Variants in TMBIM6 observed in about 807,000 individuals in gnomAD.
TMBIM6 encodes transmembrane BAX inhibitor motif containing 6.
Under a neutral mutation model 31.4 loss-of-function variants are expected in TMBIM6, and 13 were observed. The observed-to-expected ratio is 0.41, with a 90% CI of 0.27 to 0.66. The LOEUF (loss-of-function observed/expected upper bound fraction) is 0.66. TMBIM6 is among the 30% of genes least tolerant of loss of function. The pLI, the probability that TMBIM6 is intolerant of heterozygous loss-of-function variation, is 0.28. For missense variants in TMBIM6, 275 were observed against 289.5 expected (o/e 0.95, Z 0.36); for synonymous variants, 85 against 101.7 (o/e 0.84, Z 0.99).
rs1292621134 is a variant in TMBIM6, at chr12:49,764,727, G to GAAAAA, written c.*1840_*1844dup. ...CAAGATATTAAAAAAAAAAAAGAAA[G>GAAAAA]AAAAAAAAAAAAACACCTACTTTTA... On this transcript the variant is annotated 3_prime_UTR_variant, in exon 10 of 10. Coordinates refer to ENST00000267115, the MANE Select transcript of TMBIM6 (RefSeq NM_003217.3). 2 of 113,806 alleles carry GAAAAA rather than the reference G, an allele frequency of 1.8e-5. No individual in the cohort carries two copies. The highest frequency in any genetic ancestry group is 6.9e-5 in the African/African-American group (2 of 28,856). The allele number at this position is 113,806 out of a possible 1,614,324, so 7.0% of individuals were successfully genotyped here. A position where few individuals can be genotyped will look rare whatever the true frequency, so the allele number is the denominator to read the frequency against.
intron 3 of TMBIM6, among the ~76,000 whole-genome samples, chr12:49,753,426 A>G (rs1945532939): frequency 6.6e-6 from 1 of 152,130 alleles, no homozygotes; most frequent in South Asian, 2.1e-4. Context: ...CAAAACTCTG[A>G]TTGTGTGATT....
rs1945779452 is a variant in TMBIM6, at chr12:49,764,536, C to CT, written c.*1641dup. On this transcript the variant is annotated 3_prime_UTR_variant, in exon 10 of 10. Transcript: ENST00000267115. The stretch of plus-strand genomic sequence containing the variant: ...CTCCAGCCTCTGGCTTGAGAACTTA[C>CT]TAAAGGCACTTCCTTCCTGTTAAAC... 1 of 152,566 alleles carries CT rather than the reference C, an allele frequency of 6.6e-6. No individual in the cohort carries two copies. The highest frequency in any genetic ancestry group is 6.5e-5 in the Admixed American group (1 of 15,268). 9.5% of individuals were successfully genotyped at this position (152,566 alleles called of 1,614,324 possible). A position where few individuals can be genotyped will look rare whatever the true frequency, so the allele number is the denominator to read the frequency against.
intron 3 of TMBIM6, among the ~76,000 whole-genome samples, chr12:49,755,146 G>A (rs1394112010): frequency 1.3e-5 from 2 of 151,674 alleles, no homozygotes; most frequent in African/African-American, 4.8e-5. Context: ...TAGTAGAGAC[G>A]GGGTTTCTCC....
chr12:49,756,405 A>T (rs1945595505), intron 4 of TMBIM6, among the ~76,000 whole-genome samples: 1 of 139,866 alleles, frequency 7.1e-6, no homozygotes. Context: ...AAGTGTTAGG[A>T]TGACAGGCGT....
intron 1 of TMBIM6, chr12:49,741,888 G>A (rs1043817014): frequency 7.2e-6 from 4 of 559,436 alleles, no homozygotes; most frequent in African/African-American, 5.8e-5. Flanking sequence ...CTGCCCCAGA[G>A]CGCTGGCGAA....
intron 1 of TMBIM6, among the ~76,000 whole-genome samples, chr12:49,748,395 G>A (rs575000211): frequency 6.6e-6 from 1 of 152,264 alleles, no homozygotes; most frequent in South Asian, 2.1e-4. Flanking sequence ...CCAAGCAAAA[G>A]CAGACCACAG....
chr12:49,744,495 A>ATCTCCTT (rs1450201751), intron 1 of TMBIM6: 12 of 152,138 alleles, frequency 7.9e-5, no homozygotes, highest in Non-Finnish European at 1.6e-4. Context: ...GACCAAGGAG[A>ATCTCCTT]GAAAGGCTGT....
chr12:49,751,313 A>G (rs1945489964), intron 1 of TMBIM6, among the ~76,000 whole-genome samples: 1 of 152,194 alleles, frequency 6.6e-6, no homozygotes, highest in Admixed American at 6.6e-5. Context: ...CTTTCAGGAT[A>G]TACACACTGA....
At chr12:49,757,950 A>G (rs1453791060) in intron 4 of TMBIM6, among the ~76,000 whole-genome samples, 36 of 151,876 alleles carry the variant, frequency 2.4e-4, no homozygotes, top group Non-Finnish European at 5.9e-5. Flanking sequence ...TGGCATGCCT[A>G]CTTTATTTTC....
chr12:49,759,231 A>G lies in TMBIM6; in HGVS notation c.524A>G (p.Tyr175Cys), dbSNP rs757393612. The G allele has an allele frequency of 1.2e-6, 2 of 1,613,898 alleles. No individual in the cohort carries two copies. Among genetic ancestry groups the G allele is most frequent in the African/African-American group, 2.7e-5 (2 of 74,866 alleles). ...TCTTACATTTGTTAGGCAAACCTGTATGTGGGACTGGTGGTCATGTGTGGC... is the reference window on the plus strand; with the variant it reads ...TCTTACATTTGTTAGGCAAACCTGTGTGTGGGACTGGTGGTCATGTGTGGC... ...GSIWLFQANLYVGLVVMCGFV... is the reference protein window; with the variant it reads ...GSIWLFQANLCVGLVVMCGFV... The change falls in exon 8 of 10, where the codon TAT (tyrosine) becomes TGT (cysteine). Residue 175 changes from tyrosine (Y) to cysteine (C), a missense_variant. Tyr to Cys is a radical substitution (Grantham distance 194). Coordinates refer to ENST00000267115, the MANE Select transcript of TMBIM6 (RefSeq NM_003217.3).
intron 1 of TMBIM6, among the ~76,000 whole-genome samples, chr12:49,749,434 C>CTTTTTTTTTTTT (rs1565918072): frequency 4.1e-4 from 50 of 121,706 alleles, no homozygotes; most frequent in African/African-American, 2.3e-3. Flanking sequence ...TTTTGTAAGT[C>CTTTTTTTTTTTT]ATTTTTGTTT....
At chr12:49,758,857 G>A in intron 7 of TMBIM6, 95 bp downstream of exon 7, 3 of 1,050,800 alleles carry the variant, frequency 2.9e-6, no homozygotes, top group Non-Finnish European at 4.1e-6. Context: ...GTACTACTTT[G>A]GGCAGTGCTC....
intron 1 of TMBIM6, among the ~76,000 whole-genome samples, chr12:49,750,185 G>T (rs981561542): frequency 2.6e-5 from 4 of 152,160 alleles, no homozygotes; most frequent in Non-Finnish European, 5.9e-5. Context: ...CGTCAGAGAA[G>T]TATCTGAGAA....
rs778921416 is a variant in TMBIM6 at position 49,752,460 on chromosome 12, G to A, written c.-30-4G>A. 4 of 1,600,860 alleles carry A rather than the reference G, an allele frequency of 2.5e-6. No homozygotes were observed. Among genetic ancestry groups the A allele is most frequent in the African/African-American group, 1.4e-5 (1 of 73,518 alleles). ...AATGACTCTAACCTTTCTTTATTCTGCAGAGTGGAGACTGCTGCACGGACT... is the reference window on the plus strand; with the variant it reads ...AATGACTCTAACCTTTCTTTATTCTACAGAGTGGAGACTGCTGCACGGACT... On this transcript the variant is annotated splice_polypyrimidine_tract_variant and splice_region_variant and intron_variant, in intron 1 of 9. Transcript: ENST00000267115.
At chr12:49,745,674 G>C (rs979738216) in intron 1 of TMBIM6, among the ~76,000 whole-genome samples, 2 of 149,096 alleles carry the variant, frequency 1.3e-5, no homozygotes, top group Non-Finnish European at 2.9e-5. Flanking sequence ...GCAGTGAGCT[G>C]AGATCGTGCC....
In TMBIM6 at chr12:49,762,989, T is replaced by C; in HGVS notation, c.*93T>C. The C allele has an allele frequency of 2.2e-6, 3 of 1,359,712 alleles. No homozygotes were observed. Among genetic ancestry groups the C allele is most frequent in the Non-Finnish European group, 3.0e-6 (3 of 984,838 alleles). The allele number at this position is 1,359,712 out of a possible 1,614,324, so 84.2% of individuals were successfully genotyped here. A position where few individuals can be genotyped will look rare whatever the true frequency, so the allele number is the denominator to read the frequency against. Reference sequence around the variant, plus strand: ...TTACAGGTGGTGTGTTCTGTGATAATGAAAAGCATCAGAAAAGCTTTTGTA... The same window carrying C: ...TTACAGGTGGTGTGTTCTGTGATAACGAAAAGCATCAGAAAAGCTTTTGTA... On this transcript the variant is annotated 3_prime_UTR_variant, in exon 10 of 10. Transcript: ENST00000267115.
intron 8 of TMBIM6, among the ~76,000 whole-genome samples, chr12:49,760,178 A>G (rs1385910573): frequency 2.6e-5 from 4 of 151,390 alleles, no homozygotes; most frequent in Non-Finnish European, 5.9e-5. Flanking sequence ...GGCTACCTCC[A>G]AGCAGAAGTG....
rs536789200 is a variant in TMBIM6, at chr12:49,754,532, A to G, written c.166-1103A>G. Reference sequence around the variant, plus strand: ...GGTATCTATTGATCATTTGATGAAAATGTTGTGACCTTAGGCTTGCAGGAA... The same window carrying G: ...GGTATCTATTGATCATTTGATGAAAGTGTTGTGACCTTAGGCTTGCAGGAA... On this transcript the variant is annotated intron_variant, in intron 3 of 9. Transcript: ENST00000267115. Among the ~76,000 whole-genome samples, 29 of 152,328 alleles carry G rather than the reference A, an allele frequency of 1.9e-4. No individual in the cohort carries two copies. The South Asian group carries it at 2.7e-3, about 14-fold the overall frequency.
chr12:49,741,680 G>A (rs1945296885), intron 1 of TMBIM6, 69 bp downstream of exon 1: 1 of 202,730 alleles, frequency 4.9e-6, no homozygotes, highest in Non-Finnish European at 1.0e-5. Context: ...GTTACTGTCT[G>A]AGCAAGAGTG....
Sources: allele counts gnomAD v4.1 joint callset (sites outside exome capture counted in the v4.1 genomes callset), GRCh38; gene constraint gnomAD v4.1.1; transcripts MANE v1.5; gene names NCBI Gene and HGNC (gene_info 2026-07-23, HGNC 2026-07-21).